The following MORN4 variants were observed in gnomAD, a reference collection of about 807,000 sequenced individuals.
MORN4 encodes the protein MORN repeat containing 4, also known as MORN repeat-containing protein 4.
A neutral mutation model predicts 16.4 loss-of-function variants in MORN4; 8 were observed. The observed-to-expected ratio is 0.49, with a 90% confidence interval of 0.29 to 0.88. The LOEUF is 0.88. MORN4 is among the 40% of genes least tolerant of loss of function. The probability of loss-of-function intolerance (pLI) is 0.09; values close to 1 mark genes in which losing one functional copy is unlikely to be tolerated. For missense variants in MORN4, 159 were observed against 182.9 expected (o/e 0.87, Z 0.75); for synonymous variants, 53 against 68.9 (o/e 0.77, Z 1.14).
intron 1 of MORN4, among the ~76,000 whole-genome samples, chr10:97,620,099 G>A (rs766930837): frequency 1.3e-5 from 2 of 151,950 alleles, no homozygotes; most frequent in Non-Finnish European, 2.9e-5. Context: ...GTGCCAACTT[G>A]GATGGCAGAG....
chr10:97,632,212 C>CTTTTTTTTTTTTTTT (rs1162979185), intron 1 of MORN4, among the ~76,000 whole-genome samples: 2 of 86,974 alleles, frequency 2.3e-5, no homozygotes, highest in African/African-American at 1.0e-4. Context: ...TAATACTCCC[C>CTTTTTTTTTTTTTTT]TTTTTTTTTT....
At chr10:97,616,522 C>A in intron 4 of MORN4, 111 bp from the exon 5 acceptor site, 1 of 1,345,710 alleles carries the variant, frequency 7.4e-7, no homozygotes, top group Non-Finnish European at 1.0e-6. Flanking sequence ...AAACTCCCAG[C>A]TCTACTCAGG....
Position 97,623,804 on chromosome 10 carries a change from C to T in MORN4, c.-30-4121G>A, listed in dbSNP as rs547671043. Reference sequence around the variant, plus strand: ...AGGCTGGAGTGCAGTGGCATGATCTCGGCTGACTGCAAGCTCTGCCTCCCG... The same window carrying T: ...AGGCTGGAGTGCAGTGGCATGATCTTGGCTGACTGCAAGCTCTGCCTCCCG... On this transcript the variant is annotated intron_variant, in intron 1 of 4. Coordinates refer to ENST00000307450, the MANE Select transcript of MORN4 (RefSeq NM_178832.4). 3.3e-5 allele frequency among the ~76,000 whole-genome samples: 5 copies of T among 151,110 alleles called. No homozygotes were observed. In the South Asian group the frequency reaches 6.3e-4, roughly 19 times the overall value.
At chr10:97,622,693 C>CAAAAAAA (rs1322656539) in intron 1 of MORN4, among the ~76,000 whole-genome samples, 910 of 55,772 alleles carry the variant, frequency 0.016, 47 homozygotes, top group East Asian at 0.16. Context: ...GACCCTGTCT[C>CAAAAAAA]AAAAAAAAAA....
chr10:97,617,748 T>C (rs541486955), intron 2 of MORN4, among the ~76,000 whole-genome samples: 1 of 152,020 alleles, frequency 6.6e-6, no homozygotes, highest in Non-Finnish European at 1.5e-5. Context: ...TGGTCCCAGC[T>C]ACTCGGGAGG....
At position 97,616,044 on chromosome 10, in the gene MORN4, A is replaced by G; in HGVS notation, c.*219T>C. The G allele has an allele frequency of 2.4e-6, 1 of 421,500 alleles. No homozygotes were observed. Among genetic ancestry groups the G allele is most frequent in the Non-Finnish European group, 4.2e-6 (1 of 240,000 alleles). The allele number at this position is 421,500 out of a possible 1,614,324, so 26.1% of individuals were successfully genotyped here. ...TCCTCCAGCACATAAGGGTTAGGGAAAGACAGAACCACCAATGACTGCTGC... is the reference window on the plus strand; with the variant it reads ...TCCTCCAGCACATAAGGGTTAGGGAGAGACAGAACCACCAATGACTGCTGC... On this transcript the variant is annotated 3_prime_UTR_variant, in exon 5 of 5. Coordinates refer to ENST00000307450, the MANE Select transcript of MORN4 (RefSeq NM_178832.4).
In MORN4 at chr10:97,631,633, T is replaced by C. The variant is rs570232167; in HGVS notation, c.-31+1714A>G. ...TTAAGAGGATTAAAAAAAAAAAAACTGACATAAAGAGGAAAAAGGGCCAGG... is the reference window on the plus strand; with the variant it reads ...TTAAGAGGATTAAAAAAAAAAAAACCGACATAAAGAGGAAAAAGGGCCAGG... On this transcript the variant is annotated intron_variant, in intron 1 of 4. Transcript: ENST00000307450. Among the ~76,000 whole-genome samples, 245 of 146,924 alleles carry C rather than the reference T, an allele frequency of 1.7e-3. 1 individual carries two copies. Among genetic ancestry groups the C allele is most frequent in the African/African-American group, 5.9e-3 (238 of 40,198 alleles).
intron 1 of MORN4, among the ~76,000 whole-genome samples, chr10:97,626,386 AATAATAATAATC>A (rs371330649): frequency 0.1 from 4,653 of 44,924 alleles, 97 homozygotes; most frequent in South Asian, 0.25. Context: ...CAAAAATAAT[AATAATAATAATC>A]ATAATCATAA....
chr10:97,620,786 T>C (rs1232233155), intron 1 of MORN4, among the ~76,000 whole-genome samples: 1 of 151,812 alleles, frequency 6.6e-6, no homozygotes, highest in Non-Finnish European at 1.5e-5. Context: ...AAGACCAGCC[T>C]GGGCAACATA....
Position 97,633,120 on chromosome 10 carries a change from A to G in MORN4, c.-31+227T>C, listed in dbSNP as rs999661825. The stretch of plus-strand genomic sequence containing the variant: ...GCCAATTCCCCTGATGCAACCCTCC[A>G]CCCTCTGCTCGCTAACCCCAGTCCA... On this transcript the variant is annotated intron_variant, in intron 1 of 4. Transcript: ENST00000307450. This position sits in a 1 kb window ranked among gnomAD's most constrained non-coding sequence, Gnocchi z 4.5. Among the ~76,000 whole-genome samples, 3 of 151,362 alleles carry G rather than the reference A, an allele frequency of 2.0e-5. No individual in the cohort carries two copies. The highest frequency in any genetic ancestry group is 7.3e-5 in the African/African-American group (3 of 41,110).
At chr10:97,623,124 C>A (rs565903442) in intron 1 of MORN4, among the ~76,000 whole-genome samples, 1 of 152,194 alleles carries the variant, frequency 6.6e-6, no homozygotes, top group Non-Finnish European at 1.5e-5. Flanking sequence ...TTCCTAGGCC[C>A]AAACTCAGAC....
At position 97,617,409 on chromosome 10, in the gene MORN4, C is replaced by T. The variant is rs113182785; in HGVS notation, c.68-87G>A. The T allele has an allele frequency of 1.3e-3, 1,166 of 929,598 alleles. 15 individuals carry two copies. The African/African-American group carries it at 0.017, about 13-fold the overall frequency. 57.6% of individuals were successfully genotyped at this position (929,598 alleles called of 1,614,324 possible). ...TCTTGTAGCATCCCTTACCTGCCAT[C>T]ACCCTACCCACAAAGAAAACAAGAG... On this transcript the variant is annotated intron_variant, in intron 2 of 4. Coordinates refer to ENST00000307450, the MANE Select transcript of MORN4 (RefSeq NM_178832.4).
Position 97,617,195 on chromosome 10 carries a change from A to G in MORN4, c.182+13T>C, listed in dbSNP as rs549572901. 6.3e-7 allele frequency: 1 copy of G among 1,597,220 alleles called. No individual in the cohort carries two copies. Among genetic ancestry groups the G allele is most frequent in the Admixed American group, 1.7e-5 (1 of 59,998 alleles). ...CTTATTTAAGGCTAAGAAAGGAATGACCTCATACCCACCTTGAACCATCTG... is the reference window on the plus strand; with the variant it reads ...CTTATTTAAGGCTAAGAAAGGAATGGCCTCATACCCACCTTGAACCATCTG... On this transcript the variant is annotated intron_variant, in intron 3 of 4. Coordinates refer to ENST00000307450, the MANE Select transcript of MORN4 (RefSeq NM_178832.4).
At chr10:97,629,747 T>G (rs1431612612) in intron 1 of MORN4, among the ~76,000 whole-genome samples, 3 of 147,690 alleles carry the variant, frequency 2.0e-5, no homozygotes, top group Non-Finnish European at 3.0e-5. Context: ...CATATGGGTG[T>G]TTTTTTTTTG....
intron 1 of MORN4, among the ~76,000 whole-genome samples, chr10:97,625,816 G>C (rs961674011): frequency 9.9e-5 from 15 of 152,114 alleles, no homozygotes; most frequent in African/African-American, 3.6e-4. Flanking sequence ...TGCCCATGCT[G>C]GTGTGCAATC....
chr10:97,632,652 G>A (rs1321538522), intron 1 of MORN4, among the ~76,000 whole-genome samples: 1 of 151,970 alleles, frequency 6.6e-6, no homozygotes, highest in Non-Finnish European at 1.5e-5. Flanking sequence ...AGGGAAGACT[G>A]TGGGATGGTT....
chr10:97,626,119 G>A (rs906970508), intron 1 of MORN4, among the ~76,000 whole-genome samples: 6 of 146,984 alleles, frequency 4.1e-5, no homozygotes, highest in South Asian at 2.1e-4. Flanking sequence ...AGTGGCTCAC[G>A]CCTGTAATCC....
chr10:97,633,287 G>GT lies in MORN4; in HGVS notation c.-31+59dup. The GT allele has an allele frequency of 7.8e-7, 1 of 1,278,694 alleles. No homozygotes were observed. The highest frequency in any genetic ancestry group is 2.9e-4 in the Middle Eastern group (1 of 3,410). 79.2% of individuals were successfully genotyped at this position (1,278,694 alleles called of 1,614,324 possible). Reference sequence around the variant, plus strand: ...GGGTCATCTCGTGCTCCGTTCCTCAGTGCCCACCTGACCGATCACACTCTT... The same window carrying GT: ...GGGTCATCTCGTGCTCCGTTCCTCAGTTGCCCACCTGACCGATCACACTCTT... On this transcript the variant is annotated intron_variant, in intron 1 of 4. Coordinates refer to ENST00000307450, the MANE Select transcript of MORN4 (RefSeq NM_178832.4). The surrounding 1 kb of genome is among the most constrained non-coding windows in gnomAD (Gnocchi z 4.5).
chr10:97,633,457 C>T lies in MORN4; in HGVS notation c.-141G>A. 5 of 1,289,914 alleles carry T rather than the reference C, an allele frequency of 3.9e-6. No homozygotes were observed. The highest frequency in any genetic ancestry group is 5.1e-6 in the Non-Finnish European group (5 of 988,898). 79.9% of individuals were successfully genotyped at this position (1,289,914 alleles called of 1,614,324 possible). ...CCACCTTGCTCTCCGCCACCTCCAC[C>T]AGCGATTGCCCCACTTGACGCCGCC... is the stretch of plus-strand genomic sequence containing the variant. On this transcript the variant is annotated 5_prime_UTR_variant, in exon 1 of 5. Coordinates refer to ENST00000307450, the MANE Select transcript of MORN4 (RefSeq NM_178832.4). This position sits in a 1 kb window ranked among gnomAD's most constrained non-coding sequence, Gnocchi z 4.5.
Sources: allele counts gnomAD v4.1 joint callset (sites outside exome capture counted in the v4.1 genomes callset), GRCh38; gene constraint gnomAD v4.1.1; non-coding constraint Gnocchi (gnomAD v3.1); transcripts MANE v1.5; gene names NCBI Gene and HGNC (gene_info 2026-07-23, HGNC 2026-07-21).